The following TMEM132D variants were observed in gnomAD, a reference collection of about 807,000 sequenced individuals.
TMEM132D encodes the protein transmembrane protein 132D.
In TMEM132D, 21 loss-of-function variants were observed where a neutral mutation model predicts 62.3. The ratio of observed to expected loss-of-function variants is 0.34; its 90% CI spans 0.24 to 0.49. The LOEUF is 0.49. TMEM132D is among the 20% of genes least tolerant of loss of function. The pLI, the probability that TMEM132D is intolerant of heterozygous loss-of-function variation, is 0.99. For synonymous variants in TMEM132D, 621 were observed against 575.6 expected, an observed-to-expected ratio of 1.08 and a Z score of -1.13; for missense variants, 1,346 against 1,402.8, an observed-to-expected ratio of 0.96 and a Z score of 0.65.
chr12:129,648,128 C>T (rs1254859818), intron 2 of TMEM132D, among the ~76,000 whole-genome samples: 1 of 152,154 alleles, frequency 6.6e-6, no homozygotes, highest in Non-Finnish European at 1.5e-5. Context: ...AGGCTCCTAA[C>T]CTTCCCAATC....
intron 2 of TMEM132D, chr12:129,683,145 A>G (rs1880826501): frequency 6.6e-6 from 1 of 152,196 alleles, no homozygotes; most frequent in South Asian, 2.1e-4. Flanking sequence ...GAAAAAAAAA[A>G]AAGGAATCTC....
chr12:129,203,082 G>T (rs563725669), intron 5 of TMEM132D, among the ~76,000 whole-genome samples: 1 of 152,144 alleles, frequency 6.6e-6, no homozygotes, highest in South Asian at 2.1e-4. Flanking sequence ...CTAACTGCAC[G>T]TTCAACCACA....
intron 1 of TMEM132D, among the ~76,000 whole-genome samples, chr12:129,794,821 T>A (rs1352531985): frequency 6.6e-6 from 1 of 152,240 alleles, no homozygotes; most frequent in Non-Finnish European, 1.5e-5. Flanking sequence ...TTGATTTTTT[T>A]AAATTCTCTA....
chr12:129,443,095 C>T (rs1292848424), intron 3 of TMEM132D, among the ~76,000 whole-genome samples: 2 of 152,254 alleles, frequency 1.3e-5, no homozygotes, highest in Non-Finnish European at 2.9e-5. Flanking sequence ...CCCTTGGGGT[C>T]GGCTGAGGCT....
intron 2 of TMEM132D, among the ~76,000 whole-genome samples, chr12:129,699,099 CTATA>C (rs1881308151): frequency 6.6e-6 from 1 of 152,154 alleles, no homozygotes; most frequent in Non-Finnish European, 1.5e-5. Flanking sequence ...AAAACTAAAA[CTATA>C]TAATGAAAAT....
chr12:129,661,521 T>C (rs534749415), intron 2 of TMEM132D, among the ~76,000 whole-genome samples: 20 of 152,344 alleles, frequency 1.3e-4, no homozygotes, highest in Admixed American at 1.0e-3. Context: ...TGGACCTCCA[T>C]GTTATTAAAC....
At chr12:129,670,125 G>A (rs1880469552) in intron 2 of TMEM132D, among the ~76,000 whole-genome samples, 1 of 152,118 alleles carries the variant, frequency 6.6e-6, no homozygotes, top group South Asian at 2.1e-4. Flanking sequence ...CTGAGGCAGT[G>A]AAAGAGATCT....
rs151185365 is a variant in TMEM132D at position 129,091,607 on chromosome 12, C to T, written c.1444-6905G>A. Among the ~76,000 whole-genome samples, 1,041 of 151,990 alleles carry T rather than the reference C, an allele frequency of 6.8e-3. 8 individuals carry two copies. Among genetic ancestry groups the T allele is most frequent in the African/African-American group, 0.023 (973 of 41,432 alleles). ...CCTCACCTGGGCTCTGGAGACCCTA[C>T]CTATCCTCACTTGGGCTCTGGGGTC... On this transcript the variant is annotated intron_variant, in intron 5 of 8. Coordinates refer to ENST00000422113, the MANE Select transcript of TMEM132D (RefSeq NM_133448.3).
chr12:129,417,095 A>G (rs897950248), intron 3 of TMEM132D, among the ~76,000 whole-genome samples: 10 of 152,060 alleles, frequency 6.6e-5, no homozygotes, highest in Non-Finnish European at 1.2e-4. Flanking sequence ...CTCTTTTTCT[A>G]TTGTTTGGAA....
chr12:129,314,686 A>C (rs559216574), intron 4 of TMEM132D, among the ~76,000 whole-genome samples: 1 of 152,236 alleles, frequency 6.6e-6, no homozygotes, highest in Admixed American at 6.5e-5. Flanking sequence ...TGGAGATTGC[A>C]TTGAATTTGT....
chr12:129,299,908 C>T (rs1265746891), intron 4 of TMEM132D, among the ~76,000 whole-genome samples: 1 of 152,176 alleles, frequency 6.6e-6, no homozygotes, highest in Non-Finnish European at 1.5e-5. Flanking sequence ...TTTTCATAGG[C>T]AAACTTCAGA....
At chr12:129,534,371 T>C (rs1251437915) in intron 2 of TMEM132D, among the ~76,000 whole-genome samples, 1 of 152,024 alleles carries the variant, frequency 6.6e-6, no homozygotes, top group Non-Finnish European at 1.5e-5. Context: ...TAAAGGTATA[T>C]TGTGTTTTTA....
chr12:129,162,432 C>T (rs976280400), intron 5 of TMEM132D, among the ~76,000 whole-genome samples: 9 of 152,120 alleles, frequency 5.9e-5, no homozygotes, highest in South Asian at 4.2e-4. Flanking sequence ...TTATGGCAGT[C>T]GGAGCTGACA....
chr12:129,088,466 C>T (rs1431231056), intron 5 of TMEM132D, among the ~76,000 whole-genome samples: 1 of 45,698 alleles, frequency 2.2e-5, no homozygotes, highest in African/African-American at 1.6e-4. Context: ...CCTCCATGAC[C>T]GGGGTGTCCT....
intron 2 of TMEM132D, among the ~76,000 whole-genome samples, chr12:129,564,853 A>C (rs1011362359): frequency 3.3e-5 from 5 of 152,192 alleles, no homozygotes; most frequent in African/African-American, 1.2e-4. Context: ...TGGCATGACC[A>C]TGGAAGGTAG....
chr12:129,506,590 G>A (rs1875337585), intron 3 of TMEM132D, among the ~76,000 whole-genome samples: 1 of 152,060 alleles, frequency 6.6e-6, no homozygotes, highest in African/African-American at 2.4e-5. Flanking sequence ...ACAAACCAAA[G>A]AAAAACATAA....
intron 1 of TMEM132D, among the ~76,000 whole-genome samples, chr12:129,842,978 G>A (rs1044726028): frequency 6.6e-6 from 1 of 152,122 alleles, no homozygotes; most frequent in South Asian, 2.1e-4. Context: ...TTGAAAAAGT[G>A]TCTCATTACA....
intron 5 of TMEM132D, among the ~76,000 whole-genome samples, chr12:129,190,172 A>G (rs1168924589): frequency 3.0e-4 from 15 of 49,232 alleles, no homozygotes; most frequent in Admixed American, 8.9e-4. Flanking sequence ...GGAGGGAGGG[A>G]GTCTCAGGCC....
intron 3 of TMEM132D, among the ~76,000 whole-genome samples, chr12:129,433,090 T>G (rs201948521): frequency 6.6e-6 from 1 of 152,200 alleles, no homozygotes; most frequent in East Asian, 1.9e-4. Flanking sequence ...TCCATCTAGA[T>G]TCCCATCACT....
Sources: allele counts gnomAD v4.1 joint callset (sites outside exome capture counted in the v4.1 genomes callset), GRCh38; gene constraint gnomAD v4.1.1; transcripts MANE v1.5; gene names NCBI Gene and HGNC (gene_info 2026-07-23, HGNC 2026-07-21).